The following CCDC152 variants were observed in gnomAD, a reference collection of about 807,000 sequenced individuals.
CCDC152 encodes coiled-coil domain-containing protein 152.
A neutral mutation model predicts 38.1 loss-of-function variants in CCDC152; 37 were observed. The ratio of observed to expected loss-of-function variants is 0.97; its 90% CI spans 0.75 to 1.28. The LOEUF is 1.28. Among genes scored for constraint, CCDC152 ranks in the 50% most tolerant of loss-of-function variants. The pLI is 0.00. For missense variants in CCDC152, 259 were observed against 292.1 expected, an observed-to-expected ratio of 0.89 and a Z score of 0.83; for synonymous variants, 83 against 87.1, an observed-to-expected ratio of 0.95 and a Z score of 0.26.
At position 42,801,094 on chromosome 5, in the gene CCDC152, G is replaced by C; in HGVS notation, c.*1313G>C. The C allele has an allele frequency of 1.2e-6, 2 of 1,614,026 alleles. No individual in the cohort carries two copies. Among genetic ancestry groups the C allele is most frequent in the Non-Finnish European group, 1.7e-6 (2 of 1,179,990 alleles). On this transcript the variant is annotated 3_prime_UTR_variant, in exon 9 of 9. Coordinates refer to ENST00000361970, the MANE Select transcript of CCDC152 (RefSeq NM_001134848.2). The stretch of plus-strand genomic sequence containing the variant: ...CTTGCTGGCATATCTCGGTTCTCTG[G>C]GTGACCCTGCCTATGCTGACCCTTG...
At chr5:42,773,417 A>G (rs935688151) in intron 4 of CCDC152, among the ~76,000 whole-genome samples, 1 of 152,198 alleles carries the variant, frequency 6.6e-6, no homozygotes, top group Non-Finnish European at 1.5e-5. Flanking sequence ...TTTTCTATCT[A>G]TAAGTTAATT....
intron 2 of CCDC152, 22 bp from the exon 3 acceptor site, chr5:42,762,421 A>G: frequency 8.3e-7 from 1 of 1,208,074 alleles, no homozygotes; most frequent in Admixed American, 2.3e-5. Context: ...TGTTAATAAT[A>G]AGTATTCTAT....
intron 6 of CCDC152, among the ~76,000 whole-genome samples, chr5:42,789,557 A>G (rs1180940333): frequency 6.6e-6 from 1 of 152,222 alleles, no homozygotes; most frequent in Non-Finnish European, 1.5e-5. Context: ...TGTAAATACA[A>G]CATTTCTAAA....
At chr5:42,798,026 C>G (rs1324928626) in intron 7 of CCDC152, among the ~76,000 whole-genome samples, 2 of 152,108 alleles carry the variant, frequency 1.3e-5, no homozygotes, top group Admixed American at 1.3e-4. Context: ...ATGGCAGATG[C>G]CTGTTATCCA....
intron 4 of CCDC152, among the ~76,000 whole-genome samples, chr5:42,773,333 ATTTATC>A (rs1012349561): frequency 6.6e-6 from 1 of 152,170 alleles, no homozygotes; most frequent in Non-Finnish European, 1.5e-5. Flanking sequence ...TGCAATTCTT[ATTTATC>A]TTTATTTTCA....
intron 6 of CCDC152, among the ~76,000 whole-genome samples, chr5:42,791,080 A>G (rs1759993899): frequency 6.6e-6 from 1 of 152,188 alleles, no homozygotes; most frequent in Non-Finnish European, 1.5e-5. Flanking sequence ...TATTTAGCCA[A>G]TGGGTTCCAG....
intron 6 of CCDC152, among the ~76,000 whole-genome samples, chr5:42,787,779 T>C (rs1195017809): frequency 6.6e-6 from 1 of 152,212 alleles, no homozygotes; most frequent in Non-Finnish European, 1.5e-5. Flanking sequence ...ACCCCTGTTC[T>C]TTTTCATTTT....
intron 1 of CCDC152, among the ~76,000 whole-genome samples, chr5:42,757,431 G>A (rs1277109736): frequency 6.6e-6 from 1 of 152,176 alleles, no homozygotes; most frequent in African/African-American, 2.4e-5. Context: ...ACGCTCCTGT[G>A]GGGATGGTTG....
At position 42,783,528 on chromosome 5, in the gene CCDC152, G is replaced by T; in HGVS notation, c.382G>T (p.Gly128Ter). The stretch of plus-strand genomic sequence containing the variant: ...AAGTGAAATGAAAATCAAAGAGGAG[G>T]GATATAAGAAAGAAATAAGCAAACT... ...LVSEMKIKEE[G>*]YKKEISKLYQ... The change falls in exon 6 of 9, where the codon GGA becomes TGA. Residue 128 changes from glycine (G) to a stop codon, truncating the protein, a stop_gained. Coordinates refer to ENST00000361970, the MANE Select transcript of CCDC152 (RefSeq NM_001134848.2). LOFTEE classifies it high-confidence loss of function. 1 of 1,389,016 alleles carries T rather than the reference G, an allele frequency of 7.2e-7. No homozygotes were observed. Among genetic ancestry groups the T allele is most frequent in the East Asian group, 3.0e-5 (1 of 33,380 alleles). The allele number at this position is 1,389,016 out of a possible 1,614,324, so 86.0% of individuals were successfully genotyped here.
intron 6 of CCDC152, among the ~76,000 whole-genome samples, chr5:42,785,747 GATGT>G (rs1437162779): frequency 5.3e-5 from 8 of 152,222 alleles, no homozygotes; most frequent in Admixed American, 2.0e-4. Context: ...CATTCAGGAT[GATGT>G]TGGCTGTGAG....
intron 5 of CCDC152, among the ~76,000 whole-genome samples, chr5:42,781,903 T>A (rs943880118): frequency 6.6e-6 from 1 of 152,290 alleles, no homozygotes; most frequent in East Asian, 1.9e-4. Context: ...TTGCCTACAT[T>A]TTAGGCCTCT....
At chr5:42,773,544 T>C (rs1286867175) in intron 4 of CCDC152, among the ~76,000 whole-genome samples, 1 of 152,232 alleles carries the variant, frequency 6.6e-6, no homozygotes, top group Non-Finnish European at 1.5e-5. Context: ...TAGTACAGTT[T>C]ATATGTTTCT....
chr5:42,799,733 A>T lies in CCDC152; in HGVS notation c.717A>T (p.Gln239His). 6.4e-7 allele frequency: 1 copy of T among 1,551,352 alleles called. No individual in the cohort carries two copies. Among genetic ancestry groups the T allele is most frequent in the African/African-American group, 1.4e-5 (1 of 73,162 alleles). ...GTAATACCATTCGCGATTTAGAGCA[A>T]CGCCTTTCTGTTGGCAAAGATTCTC... ...ILRNTIRDLE[Q>H]RLSVGKDSHL... The change falls in exon 9 of 9, where the codon CAA (glutamine) becomes CAT (histidine). Residue 239 changes from glutamine (Q) to histidine (H), a missense_variant. Gln to His is a conservative substitution (Grantham distance 24). Transcript: ENST00000361970.
chr5:42,789,187 C>T (rs1171623959), intron 6 of CCDC152, among the ~76,000 whole-genome samples: 1 of 152,218 alleles, frequency 6.6e-6, no homozygotes, highest in Non-Finnish European at 1.5e-5. Flanking sequence ...AAGAAGCACC[C>T]TCACTTACCC....
At chr5:42,759,248 C>T in intron 2 of CCDC152, 40 bp downstream of exon 2, 3 of 1,264,362 alleles carry the variant, frequency 2.4e-6, no homozygotes, top group Non-Finnish European at 3.3e-6. Flanking sequence ...TATAGGGATA[C>T]ATGGAACAGA....
intron 7 of CCDC152, 74 bp downstream of exon 7, chr5:42,797,030 A>G: frequency 8.9e-7 from 1 of 1,124,520 alleles, no homozygotes; most frequent in Non-Finnish European, 1.2e-6. Context: ...GTTTTTCATC[A>G]CAGTGAGATA....
intron 6 of CCDC152, among the ~76,000 whole-genome samples, chr5:42,787,720 T>A (rs1759941414): frequency 6.6e-6 from 1 of 152,184 alleles, no homozygotes; most frequent in South Asian, 2.1e-4. Context: ...TCTTTGTCTT[T>A]TTTACTGTTG....
chr5:42,786,787 A>G (rs1233618394), intron 6 of CCDC152, among the ~76,000 whole-genome samples: 6 of 152,068 alleles, frequency 3.9e-5, no homozygotes, highest in Non-Finnish European at 7.4e-5. Context: ...ATTTAGTGCT[A>G]TAAACTTTTC....
intron 1 of CCDC152, among the ~76,000 whole-genome samples, chr5:42,757,650 A>G (rs1257658889): frequency 1.3e-5 from 2 of 152,228 alleles, no homozygotes; most frequent in Non-Finnish European, 2.9e-5. Flanking sequence ...AAGAGCAGGC[A>G]ATGAAGATAC....
Sources: allele counts gnomAD v4.1 joint callset (sites outside exome capture counted in the v4.1 genomes callset), GRCh38; gene constraint gnomAD v4.1.1; transcripts MANE v1.5; gene names NCBI Gene and HGNC (gene_info 2026-07-23, HGNC 2026-07-21).